The following SIN3B variants were observed in gnomAD, a reference collection of about 807,000 sequenced individuals.
The protein encoded by SIN3B is SIN3 transcription regulator family member B, also known as paired amphipathic helix protein Sin3b.
A neutral mutation model predicts 120.2 loss-of-function variants in SIN3B; 19 were observed. The observed-to-expected ratio is 0.16, with a 90% CI of 0.11 to 0.23. The LOEUF (loss-of-function observed/expected upper bound fraction) is 0.23. SIN3B is among the 10% of genes least tolerant of loss of function. The pLI, the probability that SIN3B is intolerant of heterozygous loss-of-function variation, is 1.00. For synonymous variants in SIN3B, 654 were observed against 653.2 expected (o/e 1.00, Z -0.02); for missense variants, 1,073 against 1,573.0 (o/e 0.68, Z 5.38).
chr19:16,877,660 T>C, intron 17 of SIN3B, 21 bp downstream of exon 17: 2 of 1,537,472 alleles, frequency 1.3e-6, no homozygotes, highest in East Asian at 2.3e-5. Flanking sequence ...CTGAGATGCA[T>C]GCTCTGTTCC....
intron 3 of SIN3B, among the ~76,000 whole-genome samples, chr19:16,841,208 C>T (rs994076735): frequency 1.3e-5 from 2 of 152,134 alleles, no homozygotes; most frequent in Non-Finnish European, 2.9e-5. Flanking sequence ...CCTGTCTTTT[C>T]TCCCAAGCGA....
chr19:16,851,391 A>G, intron 5 of SIN3B, 21 bp from the exon 6 acceptor site: 1 of 1,568,618 alleles, frequency 6.4e-7, no homozygotes, highest in Non-Finnish European at 8.7e-7. Context: ...GGTGCTGACC[A>G]CCTCCCACAT....
At chr19:16,865,314 C>CCG in intron 10 of SIN3B, 96 bp from the exon 11 acceptor site, 3 of 550,420 alleles carry the variant, frequency 5.5e-6, no homozygotes, top group Non-Finnish European at 9.9e-6. Context: ...ACACCCCCCC[C>CCG]CCAAAAAAAT....
chr19:16,863,130 C>A, intron 9 of SIN3B: 1 of 616,028 alleles, frequency 1.6e-6, no homozygotes. Flanking sequence ...CTGGGATGGC[C>A]TGCAAAATCT....
At chr19:16,865,769 G>A in intron 11 of SIN3B, 121 bp downstream of exon 11, 3 of 690,606 alleles carry the variant, frequency 4.3e-6, no homozygotes, top group Non-Finnish European at 2.4e-6. Flanking sequence ...TTGTCAACAG[G>A]TGTCATCTCC....
intron 10 of SIN3B, 50 bp downstream of exon 10, chr19:16,863,846 C>T: frequency 7.8e-7 from 1 of 1,286,022 alleles, no homozygotes; most frequent in Non-Finnish European, 1.1e-6. Context: ...TGTTCCCCTT[C>T]TCCATGGGAC....
intron 6 of SIN3B, among the ~76,000 whole-genome samples, chr19:16,852,679 T>C (rs1971561009): frequency 6.6e-6 from 1 of 152,176 alleles, no homozygotes. Context: ...AACATTTGGC[T>C]TCTCCAGGGT....
chr19:16,834,760 A>T (rs978316325), intron 3 of SIN3B, among the ~76,000 whole-genome samples: 2 of 151,992 alleles, frequency 1.3e-5, no homozygotes, highest in Non-Finnish European at 2.9e-5. Context: ...CAGGACAGAA[A>T]CATGAGAGAT....
chr19:16,865,339 G>A, intron 10 of SIN3B, 71 bp from the exon 11 acceptor site: 2 of 945,186 alleles, frequency 2.1e-6, no homozygotes, highest in East Asian at 2.5e-5. Flanking sequence ...TGGTCTCTGA[G>A]GTCCCAGGCT....
At position 16,869,449 on chromosome 19, in the gene SIN3B, T is replaced by TC; in HGVS notation, c.1807-5dup. The TC allele has an allele frequency of 1.3e-6, 2 of 1,595,906 alleles. No individual in the cohort carries two copies. Among genetic ancestry groups the TC allele is most frequent in the Non-Finnish European group, 8.6e-7 (1 of 1,167,782 alleles). ...TGGCTTTCCACCTAATGGCCGCCCTTCCCCCCACAGCACCAGGAGCAGCAC... is the reference window on the plus strand; with the variant it reads ...TGGCTTTCCACCTAATGGCCGCCCTTCCCCCCCACAGCACCAGGAGCAGCAC... On this transcript the variant is annotated splice_polypyrimidine_tract_variant and intron_variant, in intron 12 of 18. Transcript: ENST00000248054.
At position 16,876,213 on chromosome 19, in the gene SIN3B, C is replaced by T. The variant is rs748920500; in HGVS notation, c.2751C>T (p.Asp917=). ...YQWKAERCMA[D]ENCFKVMFLQ... ...GGAAGGCTGAGCGCTGCATGGCCGA[C>T]GAGAACTGCTTCAAGGTGAGAGGAG... Residue 917 remains aspartate (D), a synonymous_variant, in exon 15 of 19, where the codon GAC becomes GAT. Transcript: ENST00000248054. This position sits in a 1 kb window ranked among gnomAD's most constrained non-coding sequence, Gnocchi z 7.1. 3.2e-5 allele frequency: 51 copies of T among 1,611,026 alleles called. 1 individual carries two copies. Among genetic ancestry groups the T allele is most frequent in the South Asian group, 9.9e-5 (9 of 90,952 alleles).
chr19:16,832,457 C>T (rs1971291361), intron 3 of SIN3B, among the ~76,000 whole-genome samples: 1 of 151,106 alleles, frequency 6.6e-6, no homozygotes, highest in South Asian at 2.1e-4. Flanking sequence ...TTCAGCTTCC[C>T]AAAGTGCTAG....
chr19:16,854,114 A>G (rs948041378), intron 7 of SIN3B, 29 bp from the exon 8 acceptor site: 64 of 1,567,524 alleles, frequency 4.1e-5, no homozygotes, highest in Non-Finnish European at 5.5e-5. Context: ...GCAGGGGTTC[A>G]CAGTGGTCCC....
At chr19:16,870,551 AT>A (rs1391902039) in intron 13 of SIN3B, among the ~76,000 whole-genome samples, 12 of 146,340 alleles carry the variant, frequency 8.2e-5, no homozygotes, top group Admixed American at 1.4e-4. Context: ...TGCCTGGCTC[AT>A]TTTTTGTATT....
chr19:16,871,381 C>T lies in SIN3B; in HGVS notation c.2575C>T (p.Gln859Ter). The stretch of plus-strand genomic sequence containing the variant: ...GGGCTTCACCATGGACAAGCTGGTG[C>T]AGAACATTGCGCGGCAGGTGAGCCG... ...YVGFTMDKLV[Q>*]NIARQLHHLV... The change falls in exon 14 of 19, where the codon CAG (glutamine) becomes TAG (stop). Residue 859 changes from glutamine to a stop codon, truncating the protein, a stop_gained. Transcript: ENST00000248054. LOFTEE classifies it high-confidence loss of function. 1 of 1,610,102 alleles carries T rather than the reference C, an allele frequency of 6.2e-7. No homozygotes were observed. Among genetic ancestry groups the T allele is most frequent in the Non-Finnish European group, 8.5e-7 (1 of 1,177,778 alleles).
Position 16,854,250 on chromosome 19 carries a change from C to T in SIN3B, c.1047C>T (p.Ser349=). The T allele has an allele frequency of 6.2e-7, 1 of 1,611,012 alleles. No homozygotes were observed. Among genetic ancestry groups the T allele is most frequent in the Middle Eastern group, 1.7e-4 (1 of 5,868 alleles). ...VSGSELLQLV[S]PFLGKFPELF... is the part of the protein sequence containing the mutation. ...GCTCTGAGCTCCTGCAGCTCGTCAG[C>T]CCATTTCTGGGGTGAGCAGCTGACT... Residue 349 remains serine (S), a synonymous_variant, in exon 8 of 19, where the codon AGC becomes AGT. Coordinates refer to ENST00000248054, the MANE Select transcript of SIN3B (RefSeq NM_001297595.2).
chr19:16,867,304 G>C (rs1278095852), intron 12 of SIN3B, among the ~76,000 whole-genome samples: 1 of 152,240 alleles, frequency 6.6e-6, no homozygotes, highest in Admixed American at 6.5e-5. Flanking sequence ...GCTGGTCGCA[G>C]GGGGCCAGGG....
In SIN3B at chr19:16,841,683, C is replaced by G. The variant is rs999012023; in HGVS notation, c.382-85C>G. The G allele has an allele frequency of 2.0e-5, 26 of 1,294,490 alleles. No homozygotes were observed. In the East Asian group the frequency reaches 5.8e-4, roughly 29 times the overall value. 80.2% of individuals were successfully genotyped at this position (1,294,490 alleles called of 1,614,324 possible). A position where few individuals can be genotyped will look rare whatever the true frequency, so the allele number is the denominator to read the frequency against. On this transcript the variant is annotated intron_variant, in intron 3 of 18. Coordinates refer to ENST00000248054, the MANE Select transcript of SIN3B (RefSeq NM_001297595.2). Reference sequence around the variant, plus strand: ...GCTCCGTGCTGAGTTTTTTCTGTTCCTGTGCAGACAGTGGCTGGGCCTGGT... The same window carrying G: ...GCTCCGTGCTGAGTTTTTTCTGTTCGTGTGCAGACAGTGGCTGGGCCTGGT...
At chr19:16,838,830 C>T (rs1971380662) in intron 3 of SIN3B, among the ~76,000 whole-genome samples, 1 of 152,056 alleles carries the variant, frequency 6.6e-6, no homozygotes, top group Admixed American at 6.6e-5. Context: ...CACCACCACG[C>T]CTGGCTAATT....
Sources: allele counts gnomAD v4.1 joint callset (sites outside exome capture counted in the v4.1 genomes callset), GRCh38; gene constraint gnomAD v4.1.1; non-coding constraint Gnocchi (gnomAD v3.1); transcripts MANE v1.5; gene names NCBI Gene and HGNC (gene_info 2026-07-23, HGNC 2026-07-21).